The following SYNE1 variants were observed in gnomAD, a reference collection of about 807,000 sequenced individuals.
The protein encoded by SYNE1 is spectrin repeat containing nuclear envelope protein 1.
A neutral mutation model predicts 1,111.0 loss-of-function variants in SYNE1; 616 were observed. The ratio of observed to expected loss-of-function variants is 0.55; its 90% CI spans 0.52 to 0.59. The LOEUF is 0.59. Among genes scored for constraint, SYNE1 ranks in the 20% least tolerant of loss-of-function variants. SYNE1 has a pLI of 0.00. For missense variants in SYNE1, 10,006 were observed against 10,417.0 expected (o/e 0.96, Z 1.72); for synonymous variants, 3,855 against 3,825.8 (o/e 1.01, Z -0.28).
intron 69 of SYNE1, among the ~76,000 whole-genome samples, 197 bp from the exon 70 acceptor site, chr6:152,352,550 G>T (rs760823314): frequency 5.9e-5 from 9 of 151,832 alleles, no homozygotes; most frequent in Non-Finnish European, 8.8e-5. Context: ...CTACAGGTGC[G>T]TGCCACCATG....
At chr6:152,264,319 A>G (rs4870090) in intron 100 of SYNE1, among the ~76,000 whole-genome samples, 96,653 of 151,068 alleles carry the variant, frequency 0.64, 31,320 homozygotes, top group East Asian at 0.82. Context: ...AAACCGTGTC[A>G]TCTAAAAGGA....
chr6:152,229,552 G>A (rs748288146), intron 115 of SYNE1, among the ~76,000 whole-genome samples: 4 of 152,188 alleles, frequency 2.6e-5, no homozygotes, highest in Non-Finnish European at 2.9e-5. Context: ...TTAATTAATA[G>A]GAATTCCACT....
chr6:152,354,509 C>T (rs927498294), intron 67 of SYNE1, 150 bp downstream of exon 67: 78 of 817,946 alleles, frequency 9.5e-5, no homozygotes, highest in Non-Finnish European at 1.5e-4. Context: ...AAGAGGAATG[C>T]TCCATTGTGA....
chr6:152,369,820 T>A (rs1262812628), intron 59 of SYNE1, among the ~76,000 whole-genome samples: 1 of 151,504 alleles, frequency 6.6e-6, no homozygotes, highest in Non-Finnish European at 1.5e-5. Context: ...CCGTCTCTAC[T>A]AAAATACAAA....
intron 16 of SYNE1, among the ~76,000 whole-genome samples, chr6:152,471,132 C>T (rs771263632): frequency 7.2e-5 from 11 of 151,816 alleles, no homozygotes; most frequent in Admixed American, 5.2e-4. Context: ...CAGGGAATTA[C>T]GGTAAAAAAA....
At chr6:152,385,915 A>G in intron 54 of SYNE1, 77 bp from the exon 55 acceptor site, 1 of 1,402,140 alleles carries the variant, frequency 7.1e-7, no homozygotes, top group Non-Finnish European at 1.0e-6. Flanking sequence ...CAGGCCTGAT[A>G]GAGGTCTCTT....
At chr6:152,607,105 C>T (rs369787284) in intron 3 of SYNE1, among the ~76,000 whole-genome samples, 9 of 150,976 alleles carry the variant, frequency 6.0e-5, no homozygotes, top group Non-Finnish European at 8.8e-5. Context: ...CTGCCTCAGC[C>T]CCCCCAGTAG....
chr6:152,510,389 G>T lies in SYNE1; in HGVS notation c.403-18C>A. ...TCTTCAATCTGTTTGTGAGTTAACA[G>T]CCAGCAAAAATATAAGCATTATCTT... is the stretch of plus-strand genomic sequence containing the variant. On this transcript the variant is annotated intron_variant, in intron 7 of 145. Transcript: ENST00000367255. 1 of 1,612,852 alleles carries T rather than the reference G, an allele frequency of 6.2e-7. No individual in the cohort carries two copies. The highest frequency in any genetic ancestry group is 1.1e-5 in the South Asian group (1 of 90,972).
At chr6:152,348,940 C>T (rs1042664109) in intron 72 of SYNE1, among the ~76,000 whole-genome samples, 1 of 152,178 alleles carries the variant, frequency 6.6e-6, no homozygotes, top group African/African-American at 2.4e-5. Flanking sequence ...TGAGTTGGAA[C>T]AGAACCACTC....
chr6:152,216,834 T>A (rs1165756567), intron 121 of SYNE1, among the ~76,000 whole-genome samples: 1 of 152,114 alleles, frequency 6.6e-6, no homozygotes, highest in Non-Finnish European at 1.5e-5. Context: ...GGAGGGCGGA[T>A]CACAAGGTCA....
chr6:152,266,531 A>G lies in SYNE1; in HGVS notation c.18815+1525T>C, dbSNP rs186747131. On this transcript the variant is annotated intron_variant, in intron 100 of 145. Coordinates refer to ENST00000367255, the MANE Select transcript of SYNE1 (RefSeq NM_182961.4). ...CATGGTCTAATCAGCATCTTTAAGC[A>G]TGATACACAACAGACAGTTTTTAAA... 1.3e-3 allele frequency among the ~76,000 whole-genome samples: 203 copies of G among 152,342 alleles called. 1 individual carries two copies. The highest frequency in any genetic ancestry group is 4.6e-3 in the African/African-American group (193 of 41,582).
chr6:152,241,371 A>G (rs2085612161), intron 107 of SYNE1, among the ~76,000 whole-genome samples: 1 of 152,172 alleles, frequency 6.6e-6, no homozygotes, highest in South Asian at 2.1e-4. Context: ...ACACAATGGT[A>G]GAAGATTTTA....
chr6:152,137,042 G>A (rs2057251593), intron 140 of SYNE1, among the ~76,000 whole-genome samples: 1 of 152,118 alleles, frequency 6.6e-6, no homozygotes, highest in Non-Finnish European at 1.5e-5. Context: ...AAAACAGGGT[G>A]TAGAGTGAAA....
chr6:152,163,624 T>C (rs1586623443), intron 131 of SYNE1, among the ~76,000 whole-genome samples: 1 of 152,236 alleles, frequency 6.6e-6, no homozygotes, highest in South Asian at 2.1e-4. Context: ...CAGTGAGATA[T>C]TCTGTCTTTG....
intron 93 of SYNE1, 23 bp downstream of exon 93, chr6:152,300,618 G>A (rs1399298605): frequency 6.2e-7 from 1 of 1,613,992 alleles, no homozygotes; most frequent in African/African-American, 1.3e-5. Context: ...ATTATTGCTA[G>A]AGGAATGCCA....
At chr6:152,153,077 G>A (rs1002705656) in intron 133 of SYNE1, among the ~76,000 whole-genome samples, 12 of 152,118 alleles carry the variant, frequency 7.9e-5, no homozygotes, top group South Asian at 4.1e-4. Flanking sequence ...AAATTGAACC[G>A]CACTCATCAA....
At chr6:152,381,452 T>A in intron 55 of SYNE1, 90 bp from the exon 56 acceptor site, 2 of 1,333,934 alleles carry the variant, frequency 1.5e-6, no homozygotes, top group Non-Finnish European at 2.1e-6. Context: ...GACCCTGTCC[T>A]GCCAGGAAGT....
In SYNE1 at chr6:152,455,642, G is replaced by A. The variant is rs1407436024; in HGVS notation, c.2728-52C>T. The stretch of plus-strand genomic sequence containing the variant: ...GATGCTGCTTTCTCATTACTGAAAG[G>A]ATCATTTTGTTAGAGGGTATTATTC... On this transcript the variant is annotated intron_variant, in intron 23 of 145. Transcript: ENST00000367255. 5.0e-6 allele frequency: 8 copies of A among 1,607,026 alleles called. No individual in the cohort carries two copies. In the South Asian group the frequency reaches 8.8e-5, roughly 18 times the overall value.
intron 51 of SYNE1, among the ~76,000 whole-genome samples, chr6:152,394,330 T>G (rs2097696910): frequency 6.6e-6 from 1 of 152,222 alleles, no homozygotes; most frequent in African/African-American, 2.4e-5. Context: ...CTAATATGAT[T>G]GTTTCTGACT....
Sources: allele counts gnomAD v4.1 joint callset (sites outside exome capture counted in the v4.1 genomes callset), GRCh38; gene constraint gnomAD v4.1.1; transcripts MANE v1.5; gene names NCBI Gene and HGNC (gene_info 2026-07-23, HGNC 2026-07-21).